The following MIPEP variants were observed in gnomAD, a reference collection of about 807,000 sequenced individuals.
MIPEP encodes mitochondrial intermediate peptidase.
A neutral mutation model predicts 90.3 loss-of-function variants in MIPEP; 79 were observed. The observed-to-expected ratio is 0.87, with a 90% CI of 0.73 to 1.05. The LOEUF (loss-of-function observed/expected upper bound fraction) is 1.05, where lower values mean the gene tolerates loss of function less well. MIPEP is among the 50% of genes least tolerant of loss of function. The pLI is 0.00. For synonymous variants in MIPEP, 334 were observed against 315.8 expected (o/e 1.06, Z -0.61); for missense variants, 940 against 905.6 (o/e 1.04, Z -0.49).
intron 16 of MIPEP, among the ~76,000 whole-genome samples, chr13:23,797,255 T>C (rs1338880717): frequency 1.3e-5 from 2 of 152,096 alleles, no homozygotes; most frequent in Non-Finnish European, 2.9e-5. Context: ...CTTCCCACAG[T>C]TAGTACCTTC....
chr13:23,889,218 T>C lies in MIPEP; in HGVS notation c.103A>G (p.Arg35Gly). ...ACGGGAGACCAGCTGGTGCTGACCC[T>C]TCGGGCCCGGATCCCGGCTTCGAGG... is the stretch of plus-strand genomic sequence containing the variant. ...GSLEAGIRARRVSTSWSPVGA... is the reference protein window; with the variant it reads ...GSLEAGIRARGVSTSWSPVGA... Residue 35 changes from arginine to glycine, a missense_variant, in exon 1 of 19, where the codon AGG becomes GGG. Arg to Gly is a moderately radical substitution (Grantham distance 125). Coordinates refer to ENST00000382172, the MANE Select transcript of MIPEP (RefSeq NM_005932.4). 3 of 1,426,752 alleles carry C rather than the reference T, an allele frequency of 2.1e-6. No homozygotes were observed. The highest frequency in any genetic ancestry group is 2.4e-4 in the Middle Eastern group (1 of 4,240). The allele number at this position is 1,426,752 out of a possible 1,614,324, so 88.4% of individuals were successfully genotyped here.
At chr13:23,831,996 T>C (rs922096016) in intron 14 of MIPEP, among the ~76,000 whole-genome samples, 1 of 152,172 alleles carries the variant, frequency 6.6e-6, no homozygotes, top group African/African-American at 2.4e-5. Context: ...GAGCACACTA[T>C]GCCACTGCTA....
rs115095351 is a variant in MIPEP, at chr13:23,757,849, T to A, written c.1971-1231A>T. 2.4e-3 allele frequency among the ~76,000 whole-genome samples: 369 copies of A among 152,328 alleles called. 2 individuals carry two copies. Among genetic ancestry groups the A allele is most frequent in the African/African-American group, 8.2e-3 (342 of 41,574 alleles). On this transcript the variant is annotated intron_variant, in intron 17 of 18. Transcript: ENST00000382172. ...AAACTAATGGGACCTGGAAACAAGT[T>A]ATTTAGTACTACTCTTTTGTATTTT... is the stretch of plus-strand genomic sequence containing the variant.
intron 7 of MIPEP, among the ~76,000 whole-genome samples, chr13:23,868,304 C>T (rs910625874): frequency 6.6e-6 from 1 of 152,058 alleles, no homozygotes; most frequent in Non-Finnish European, 1.5e-5. Flanking sequence ...GAACCCAGGC[C>T]GCAATGAGCG....
At chr13:23,832,406 GGA>G (rs1868810704) in intron 14 of MIPEP, among the ~76,000 whole-genome samples, 1 of 151,892 alleles carries the variant, frequency 6.6e-6, no homozygotes, top group African/African-American at 2.4e-5. Context: ...GGTATTCTAA[GGA>G]ACAGAGAACA....
chr13:23,883,287 CAG>C (rs1871342226), intron 2 of MIPEP, among the ~76,000 whole-genome samples: 1 of 151,492 alleles, frequency 6.6e-6, no homozygotes, highest in South Asian at 2.1e-4. Context: ...AGATATAGCG[CAG>C]AGAAGTTAAA....
chr13:23,888,398 A>G (rs1871611404), intron 1 of MIPEP, among the ~76,000 whole-genome samples: 1 of 152,200 alleles, frequency 6.6e-6, no homozygotes, highest in Non-Finnish European at 1.5e-5. Flanking sequence ...TTTAAAAGGC[A>G]AAAATAAAAG....
At chr13:23,850,861 T>C (rs571879282) in intron 10 of MIPEP, among the ~76,000 whole-genome samples, 2 of 152,234 alleles carry the variant, frequency 1.3e-5, no homozygotes, top group Non-Finnish European at 2.9e-5. Flanking sequence ...CCTCTTGCTT[T>C]AGGAAGAACA....
intron 14 of MIPEP, among the ~76,000 whole-genome samples, chr13:23,824,469 T>C (rs563589159): frequency 6.6e-6 from 1 of 152,328 alleles, no homozygotes; most frequent in African/African-American, 2.4e-5. Context: ...GGGCACGTGA[T>C]AGGTCTAATG....
At chr13:23,767,197 T>A (rs1236736292) in intron 16 of MIPEP, among the ~76,000 whole-genome samples, 1 of 152,208 alleles carries the variant, frequency 6.6e-6, no homozygotes, top group East Asian at 1.9e-4. Flanking sequence ...TGCAGCCTTG[T>A]GTGACCCCCA....
intron 7 of MIPEP, among the ~76,000 whole-genome samples, chr13:23,867,392 C>A (rs1870589913): frequency 6.6e-6 from 1 of 152,166 alleles, no homozygotes; most frequent in African/African-American, 2.4e-5. Context: ...CTGTCAAGAG[C>A]ACGCTCACAT....
intron 18 of MIPEP, among the ~76,000 whole-genome samples, chr13:23,732,729 G>GA (rs1049617521): frequency 5.9e-5 from 9 of 152,186 alleles, no homozygotes; most frequent in Non-Finnish European, 7.3e-5. Flanking sequence ...AATCTATGGT[G>GA]AAAAAAATCA....
intron 16 of MIPEP, among the ~76,000 whole-genome samples, chr13:23,783,909 T>C (rs529440753): frequency 1.7e-4 from 26 of 152,268 alleles, no homozygotes; most frequent in Non-Finnish European, 3.4e-4. Context: ...GTGAAGGACC[T>C]CTTCAAGGAG....
At chr13:23,872,404 T>G (rs1306251375) in intron 5 of MIPEP, among the ~76,000 whole-genome samples, 2 of 152,188 alleles carry the variant, frequency 1.3e-5, no homozygotes, top group Middle Eastern at 3.2e-3. Flanking sequence ...GAGGTTGCGG[T>G]GAGCCAAGAT....
At chr13:23,732,685 C>A (rs1055468743) in intron 18 of MIPEP, among the ~76,000 whole-genome samples, 1 of 152,080 alleles carries the variant, frequency 6.6e-6, no homozygotes, top group South Asian at 2.1e-4. Context: ...CTGTTTGATT[C>A]CATTTATATG....
intron 12 of MIPEP, among the ~76,000 whole-genome samples, chr13:23,838,820 C>T (rs1869170436): frequency 6.6e-6 from 1 of 152,174 alleles, no homozygotes; most frequent in South Asian, 2.1e-4. Flanking sequence ...CCTGTTCCTA[C>T]CTTTCACACC....
chr13:23,864,957 TAAC>T (rs1215653947), intron 7 of MIPEP, among the ~76,000 whole-genome samples: 1 of 152,172 alleles, frequency 6.6e-6, no homozygotes, highest in East Asian at 1.9e-4. Flanking sequence ...TTTTTCTTGA[TAAC>T]AATTTTATTG....
At chr13:23,771,604 T>C (rs185330609) in intron 16 of MIPEP, among the ~76,000 whole-genome samples, 1 of 149,516 alleles carries the variant, frequency 6.7e-6, no homozygotes, top group African/African-American at 2.5e-5. Context: ...AAAATTAAAA[T>C]AATACTGCTA....
intron 18 of MIPEP, among the ~76,000 whole-genome samples, chr13:23,731,054 C>T (rs1274575857): frequency 6.6e-6 from 1 of 152,162 alleles, no homozygotes; most frequent in African/African-American, 2.4e-5. Flanking sequence ...AGCAATGAAG[C>T]ACCATGCCTA....
Sources: allele counts gnomAD v4.1 joint callset (sites outside exome capture counted in the v4.1 genomes callset), GRCh38; gene constraint gnomAD v4.1.1; transcripts MANE v1.5; gene names NCBI Gene and HGNC (gene_info 2026-07-23, HGNC 2026-07-21).